ZC4H2: variants seen among roughly 807,000 people sequenced by gnomAD.
The protein encoded by ZC4H2 is zinc finger C4H2 domain-containing protein.
For synonymous variants in ZC4H2, 84 were observed against 66.3 expected, an observed-to-expected ratio of 1.27 and a Z score of -1.30; for missense variants, 137 against 173.9, an observed-to-expected ratio of 0.79 and a Z score of 1.19.
At chrX:65,023,933 A>C (rs2147293850) in intron 1 of ZC4H2, among the ~76,000 whole-genome samples, 1 of 111,992 alleles carries the variant, frequency 8.9e-6, no homozygotes, top group East Asian at 2.8e-4. Flanking sequence ...GCCATAAAAA[A>C]GGATGAGTTC....
At chrX:64,944,329 G>A (rs187819027) in intron 1 of ZC4H2, among the ~76,000 whole-genome samples, 1 of 108,252 alleles carries the variant, frequency 9.2e-6, no homozygotes, top group Admixed American at 9.9e-5. Context: ...TTTTTTAGTA[G>A]AGACGGGGTT....
Position 65,024,922 on chromosome X carries a change from A to G in ZC4H2, c.-272+9707T>C, listed in dbSNP as rs143830829. 5.9e-3 allele frequency among the ~76,000 whole-genome samples: 660 copies of G among 111,352 alleles called. 6 individuals are homozygous for G. Among genetic ancestry groups the G allele is most frequent in the African/African-American group, 0.02 (613 of 30,624 alleles). ...GAGAAAACGAGAGGGGCTTGGGTTG[A>G]AGAACCACCTATTGAGTATTATGCT... On this transcript the variant is annotated intron_variant, in intron 1 of 4. Coordinates refer to the ZC4H2 transcript ENST00000337990.
intron 1 of ZC4H2, among the ~76,000 whole-genome samples, chrX:64,993,164 A>G (rs1363014486): frequency 1.8e-5 from 2 of 112,303 alleles, no homozygotes; most frequent in East Asian, 2.8e-4. Flanking sequence ...GTCGTGCAAC[A>G]TTTCAGACAT....
chrX:64,973,431 T>C (rs776645969), intron 1 of ZC4H2, among the ~76,000 whole-genome samples: 1 of 110,167 alleles, frequency 9.1e-6, no homozygotes, highest in Non-Finnish European at 1.9e-5. Context: ...TAGAAGCATG[T>C]CCTCCCCTTT....
chrX:64,938,164 C>T (rs755062487), intron 1 of ZC4H2, among the ~76,000 whole-genome samples: 3 of 112,009 alleles, frequency 2.7e-5, no homozygotes, highest in Non-Finnish European at 3.8e-5. Context: ...CACCTCTATG[C>T]AAATAAACTA....
intron 1 of ZC4H2, among the ~76,000 whole-genome samples, chrX:64,922,697 C>A (rs1232789964): frequency 8.9e-6 from 1 of 112,267 alleles, no homozygotes; most frequent in Non-Finnish European, 1.9e-5. Context: ...TCTAAGTAAG[C>A]ACTGTCCAAT....
At chrX:64,952,409 A>G (rs201568072) in intron 1 of ZC4H2, among the ~76,000 whole-genome samples, 3 of 108,939 alleles carry the variant, frequency 2.8e-5, no homozygotes, top group Admixed American at 9.9e-5. Flanking sequence ...CCATTTTCAC[A>G]ATATTGACCC....
At chrX:64,958,161 A>G (rs1236789797) in intron 1 of ZC4H2, among the ~76,000 whole-genome samples, 1 of 112,417 alleles carries the variant, frequency 8.9e-6, no homozygotes, top group Non-Finnish European at 1.9e-5. Context: ...TATCATTTTC[A>G]AGTATCATGT....
chrX:64,988,074 T>A (rs1364421139), intron 1 of ZC4H2, among the ~76,000 whole-genome samples: 3 of 109,901 alleles, frequency 2.7e-5, no homozygotes, highest in Non-Finnish European at 5.7e-5. Context: ...TCATCCTTTT[T>A]TATGGCTGCA....
In ZC4H2 at chrX:64,920,190, G is replaced by A. The variant is rs1175021426; in HGVS notation, c.289C>T (p.Leu97=). The change falls in exon 3 of 5, where the codon CTG becomes TTG. Residue 97 remains leucine, a synonymous_variant. Coordinates refer to ENST00000374839, the MANE Select transcript of ZC4H2 (RefSeq NM_018684.4). ...TTCAGTGGCTTATACTCATCATGCA[G>A]CCTCCTTGTAGACTCTAGCAGCTTG... The part of the protein sequence containing the change: ...LNKLLESTRR[L]HDEYKPLKEH... 8.3e-7 allele frequency: 1 copy of A among 1,211,431 alleles called. No homozygotes were observed. Among genetic ancestry groups the A allele is most frequent in the Admixed American group, 2.2e-5 (1 of 45,991 alleles).
At chrX:64,986,921 C>CTTTTTTT (rs1028871395) in intron 1 of ZC4H2, among the ~76,000 whole-genome samples, 2 of 79,577 alleles carry the variant, frequency 2.5e-5, no homozygotes, top group African/African-American at 1.0e-4. Context: ...CAAGATAATT[C>CTTTTTTT]TTTTTTTTTT....
At chrX:64,928,627 T>TTTCTCCTTC (rs1366510720) in intron 1 of ZC4H2, among the ~76,000 whole-genome samples, 6 of 85,881 alleles carry the variant, frequency 7.0e-5, no homozygotes, top group Non-Finnish European at 1.3e-4. Context: ...CTTTGCCTGC[T>TTTCTCCTTC]TTCTCCTTCT....
intron 1 of ZC4H2, among the ~76,000 whole-genome samples, chrX:64,989,555 A>G (rs1431961801): frequency 1.8e-5 from 2 of 112,291 alleles, no homozygotes; most frequent in Non-Finnish European, 3.8e-5. Flanking sequence ...GACTTTATCA[A>G]AATTGAAATT....
At chrX:64,957,509 T>C (rs1228327894) in intron 1 of ZC4H2, among the ~76,000 whole-genome samples, 1 of 111,816 alleles carries the variant, frequency 8.9e-6, no homozygotes, top group Non-Finnish European at 1.9e-5. Context: ...TTCATAAGCG[T>C]TTTTTCTATG....
In ZC4H2 at chrX:65,002,060, A is replaced by G. The variant is rs1223353154; in HGVS notation, c.-272+32569T>C. On this transcript the variant is annotated intron_variant, in intron 1 of 4. Transcript: ENST00000337990. ...AGCCAGATAATTAACAAGAATATTC[A>G]GGACTTGAACTCAGCTCTAGACCAA... Among the ~76,000 whole-genome samples, 4 of 111,586 alleles carry G rather than the reference A, an allele frequency of 3.6e-5. No homozygotes were observed. In the East Asian group the frequency reaches 1.1e-3, roughly 32 times the overall value.
At position 64,917,770 on chromosome X, in the gene ZC4H2, G is replaced by GCT. The variant is rs751354560; in HGVS notation, c.*11_*12dup. On this transcript the variant is annotated 3_prime_UTR_variant, in exon 5 of 5. Coordinates refer to ENST00000374839, the MANE Select transcript of ZC4H2 (RefSeq NM_018684.4). The stretch of plus-strand genomic sequence containing the variant: ...GGTTATAATTAGCAAAGCTTCATGT[G>GCT]CTCTCCCTTTCTTTATTCATCCTGC... 7.5e-6 allele frequency: 9 copies of GCT among 1,207,903 alleles called. No homozygotes were observed. The highest frequency in any genetic ancestry group is 1.0e-5 in the Non-Finnish European group (9 of 893,564).
At chrX:64,974,269 GT>G (rs1345164254) in intron 1 of ZC4H2, among the ~76,000 whole-genome samples, 4 of 111,286 alleles carry the variant, frequency 3.6e-5, no homozygotes, top group African/African-American at 1.3e-4. Flanking sequence ...TCTTCTTTAT[GT>G]TTTATATTTC....
At position 64,949,287 on chromosome X, in the gene ZC4H2, A is replaced by T. The variant is rs1930679787; in HGVS notation, c.53+27038T>A. ...ACTACCAAAAAAGAAGGGAAAGACAAGAGACAGACTGTTTGGAAAGCTAAG... is the reference window on the plus strand; with the variant it reads ...ACTACCAAAAAAGAAGGGAAAGACATGAGACAGACTGTTTGGAAAGCTAAG... On this transcript the variant is annotated intron_variant, in intron 1 of 4. Transcript: ENST00000374839. Among the ~76,000 whole-genome samples, 5 of 112,264 alleles carry T rather than the reference A, an allele frequency of 4.5e-5. No homozygotes were observed. The Admixed American group carries it at 4.7e-4, about 11-fold the overall frequency.
chrX:64,928,654 CT>C (rs1309167673), intron 1 of ZC4H2, among the ~76,000 whole-genome samples: 30 of 96,812 alleles, frequency 3.1e-4, no homozygotes, highest in South Asian at 9.8e-4. Context: ...TCTTCTTCTT[CT>C]TCTTCTTCTT....
Sources: allele counts gnomAD v4.1 joint callset (sites outside exome capture counted in the v4.1 genomes callset), GRCh38; gene constraint gnomAD v4.1.1; transcripts MANE v1.5; gene names NCBI Gene and HGNC (gene_info 2026-07-23, HGNC 2026-07-21).